Variants in WNT9B observed in about 807,000 individuals in gnomAD.
WNT9B encodes Wnt family member 9B, also known as protein Wnt-9b.
Under a neutral mutation model 30.2 loss-of-function variants are expected in WNT9B, and 12 were observed. The ratio of observed to expected loss-of-function variants is 0.40; its 90% CI spans 0.26 to 0.64. WNT9B has a LOEUF of 0.64. Among genes scored for constraint, WNT9B ranks in the 30% least tolerant of loss-of-function variants. The pLI, the probability that WNT9B is intolerant of heterozygous loss-of-function variation, is 0.42. For missense variants in WNT9B, 442 were observed against 485.2 expected (o/e 0.91, Z 0.84); for synonymous variants, 218 against 216.9 (o/e 1.01, Z -0.05).
intron 1 of WNT9B, among the ~76,000 whole-genome samples, chr17:46,837,954 A>G (rs1240044187): frequency 1.3e-5 from 2 of 152,152 alleles, no homozygotes; most frequent in Admixed American, 6.5e-5. Flanking sequence ...GAGGGGCTTC[A>G]TGGGTGGGTG....
intron 1 of WNT9B, among the ~76,000 whole-genome samples, chr17:46,852,882 G>A (rs2084877434): frequency 6.6e-6 from 1 of 152,108 alleles, no homozygotes; most frequent in Admixed American, 6.5e-5. Context: ...AAGGGCTGTG[G>A]GCTAATTTCC....
At chr17:46,881,669 C>T (rs188229828), downstream of WNT9B, among the ~76,000 whole-genome samples, 3 of 152,304 alleles carry the variant, frequency 2.0e-5, no homozygotes, top group African/African-American at 7.2e-5. Flanking sequence ...CCTCCAGCTG[C>T]TCAATGCCAC....
chr17:46,839,039 A>G (rs1387305010), intron 1 of WNT9B, among the ~76,000 whole-genome samples: 1 of 151,782 alleles, frequency 6.6e-6, no homozygotes, highest in Non-Finnish European at 1.5e-5. Flanking sequence ...CACCATGCCC[A>G]GCTAATTTTT....
intron 1 of WNT9B, among the ~76,000 whole-genome samples, chr17:46,844,516 A>C (rs2084751787): frequency 6.6e-6 from 1 of 152,170 alleles, no homozygotes; most frequent in Non-Finnish European, 1.5e-5. Flanking sequence ...TTGTACCTGC[A>C]GTTCTGATAA....
chr17:46,857,402 G>C (rs1259320064), intron 1 of WNT9B, among the ~76,000 whole-genome samples: 1 of 149,936 alleles, frequency 6.7e-6, no homozygotes, highest in African/African-American at 2.5e-5. Context: ...TTGAACCCAG[G>C]AGGCAGAGGT....
intron 1 of WNT9B, among the ~76,000 whole-genome samples, chr17:46,869,719 C>T (rs1393083588): frequency 6.6e-6 from 1 of 152,206 alleles, no homozygotes; most frequent in Non-Finnish European, 1.5e-5. Context: ...ACAGCTTGGG[C>T]AGGGTGCAGT....
At chr17:46,870,178 A>G (rs1038780436) in intron 1 of WNT9B, among the ~76,000 whole-genome samples, 4 of 152,140 alleles carry the variant, frequency 2.6e-5, no homozygotes, top group African/African-American at 9.7e-5. Context: ...ATCAGTTGCT[A>G]TCAGGGAGGT....
intron 1 of WNT9B, among the ~76,000 whole-genome samples, chr17:46,861,992 C>T (rs1184670608): frequency 1.3e-5 from 2 of 151,766 alleles, no homozygotes; most frequent in Non-Finnish European, 2.9e-5. Flanking sequence ...GGTGAAACCC[C>T]ATCTCTACTA....
rs539223624 is a variant in WNT9B at position 46,868,356 on chromosome 17, C to T, written c.78-4161C>T. ...CCTGTAATCCCAGCACTTTGGGAGG[C>T]CAAGGTGGGCGGATCACATGAGGTC... is the stretch of plus-strand genomic sequence containing the variant. On this transcript the variant is annotated intron_variant, in intron 1 of 3. Transcript: ENST00000290015. Among the ~76,000 whole-genome samples, 35 of 152,298 alleles carry T rather than the reference C, an allele frequency of 2.3e-4. 1 individual carries two copies. In the South Asian group the frequency reaches 6.6e-3, roughly 29 times the overall value.
chr17:46,876,322 G>A lies in WNT9B; in HGVS notation c.678G>A (p.Lys226=). ...CCTGTGCCGTGCGCACCTGCTGGAA[G>A]CAGCTCTCCCCGTTCCGTGAGACGG... ...SGSCAVRTCW[K]QLSPFRETGQ... Residue 226 remains lysine, a synonymous_variant, in exon 4 of 4, where the codon AAG becomes AAA. Transcript: ENST00000290015. The A allele has an allele frequency of 6.2e-7, 1 of 1,614,200 alleles. No homozygotes were observed. The highest frequency in any genetic ancestry group is 8.5e-7 in the Non-Finnish European group (1 of 1,180,038).
intron 1 of WNT9B, among the ~76,000 whole-genome samples, chr17:46,860,745 A>G (rs1224666180): frequency 6.6e-6 from 1 of 152,220 alleles, no homozygotes; most frequent in Non-Finnish European, 1.5e-5. Context: ...TGTACAATTC[A>G]GAACAAACCC....
chr17:46,876,152 T>C lies in WNT9B; in HGVS notation c.601-93T>C, dbSNP rs903972910. ...ACCCTGGGTCTCTTTCCCATTCTCCTGCCTCTGCCCTGCTGGGGTTGGTGC... is the reference window on the plus strand; with the variant it reads ...ACCCTGGGTCTCTTTCCCATTCTCCCGCCTCTGCCCTGCTGGGGTTGGTGC... On this transcript the variant is annotated intron_variant, in intron 3 of 3. Coordinates refer to ENST00000290015, the MANE Select transcript of WNT9B (RefSeq NM_003396.3). 4 of 1,232,254 alleles carry C rather than the reference T, an allele frequency of 3.2e-6. No individual in the cohort carries two copies. The African/African-American group carries it at 6.1e-5, about 19-fold the overall frequency. 76.3% of individuals were successfully genotyped at this position (1,232,254 alleles called of 1,614,324 possible).
downstream of WNT9B, among the ~76,000 whole-genome samples, chr17:46,884,417 C>T (rs1018108334): frequency 5.3e-5 from 8 of 152,178 alleles, no homozygotes; most frequent in African/African-American, 1.9e-4. Context: ...GATTAAGGGG[C>T]GTGAGGGGGC....
Position 46,856,827 on chromosome 17 carries a change from A to G in WNT9B, c.77+5112A>G, listed in dbSNP as rs1377039571. Among the ~76,000 whole-genome samples, 3 of 152,282 alleles carry G rather than the reference A, an allele frequency of 2.0e-5. No homozygotes were observed. The East Asian group carries it at 5.8e-4, about 29-fold the overall frequency. ...TGCACAGTTTGGGTTTTAACAAATT[A>G]TACACCTGTGTAACACATTTGTGGT... is the stretch of plus-strand genomic sequence containing the variant. On this transcript the variant is annotated intron_variant, in intron 1 of 3. Transcript: ENST00000290015.
chr17:46,845,571 C>A (rs945548299), intron 1 of WNT9B, among the ~76,000 whole-genome samples: 13 of 147,998 alleles, frequency 8.8e-5, no homozygotes, highest in African/African-American at 3.3e-4. Context: ...CTCACTGCAA[C>A]CTCTGCCTCC....
intron 2 of WNT9B, 26 bp downstream of exon 2, chr17:46,872,799 G>C: frequency 3.0e-6 from 4 of 1,314,016 alleles, no homozygotes; most frequent in Non-Finnish European, 4.3e-6. Flanking sequence ...AGGGGACGGG[G>C]AGGGCTGGGG....
intron 2 of WNT9B, among the ~76,000 whole-genome samples, chr17:46,874,473 C>T (rs1314391936): frequency 6.6e-6 from 1 of 152,192 alleles, no homozygotes; most frequent in Non-Finnish European, 1.5e-5. Flanking sequence ...TCTCAGTGTT[C>T]TTCTCTGAGA....
intron 1 of WNT9B, among the ~76,000 whole-genome samples, chr17:46,860,911 T>G (rs956781443): frequency 1.3e-5 from 2 of 152,192 alleles, no homozygotes; most frequent in Non-Finnish European, 2.9e-5. Flanking sequence ...CAGACTAGAG[T>G]GCAATGGCTT....
In WNT9B at chr17:46,878,533, A is replaced by G. The variant is rs574264975; in HGVS notation, c.*1815A>G. Among the ~76,000 whole-genome samples, 1 of 152,286 alleles carries G rather than the reference A, an allele frequency of 6.6e-6. No individual in the cohort carries two copies. The highest frequency in any genetic ancestry group is 1.9e-4 in the East Asian group (1 of 5,186). On this transcript the variant is annotated 3_prime_UTR_variant, in exon 4 of 4. Transcript: ENST00000290015. ...CATTGCTGACCCAAGCACCTGGCCC[A>G]CACCTTGGCAGCAGGAGAAAAATGG...
Sources: allele counts gnomAD v4.1 joint callset (sites outside exome capture counted in the v4.1 genomes callset), GRCh38; gene constraint gnomAD v4.1.1; transcripts MANE v1.5; gene names NCBI Gene and HGNC (gene_info 2026-07-23, HGNC 2026-07-21).